DCC: variants seen among roughly 807,000 people sequenced by gnomAD.
DCC encodes DCC netrin 1 receptor.
Under a neutral mutation model 172.5 loss-of-function variants are expected in DCC, and 58 were observed. The observed-to-expected ratio is 0.34, with a 90% CI of 0.27 to 0.42. The LOEUF is 0.42. DCC is among the 10% of genes least tolerant of loss of function. The pLI, the probability that DCC is intolerant of heterozygous loss-of-function variation, is 1.00. For missense variants in DCC, 1,740 were observed against 1,791.0 expected, an observed-to-expected ratio of 0.97 and a Z score of 0.51; for synonymous variants, 709 against 644.5, an observed-to-expected ratio of 1.10 and a Z score of -1.52.
At chr18:52,552,345 A>G (rs2032799709) in intron 1 of DCC, among the ~76,000 whole-genome samples, 1 of 152,054 alleles carries the variant, frequency 6.6e-6, no homozygotes, top group South Asian at 2.1e-4. Context: ...TTCCGGTACC[A>G]TTCAAAACCA....
chr18:52,532,084 A>C (rs2032166234), intron 1 of DCC, among the ~76,000 whole-genome samples: 1 of 152,176 alleles, frequency 6.6e-6, no homozygotes, highest in Admixed American at 6.5e-5. Flanking sequence ...CCATCATCAA[A>C]TCTACAGGTA....
At chr18:52,500,787 G>A (rs1010509475) in intron 1 of DCC, among the ~76,000 whole-genome samples, 7 of 152,124 alleles carry the variant, frequency 4.6e-5, no homozygotes, top group African/African-American at 7.2e-5. Flanking sequence ...TGCAAGGAGA[G>A]AGGATAACAA....
chr18:53,378,826 C>G (rs929350485), intron 15 of DCC, among the ~76,000 whole-genome samples: 1 of 152,048 alleles, frequency 6.6e-6, no homozygotes, highest in Non-Finnish European at 1.5e-5. Context: ...ATCTGCAAGA[C>G]TGATAAATGA....
chr18:52,531,877 C>A (rs762295726), intron 1 of DCC, among the ~76,000 whole-genome samples: 1 of 152,096 alleles, frequency 6.6e-6, no homozygotes, highest in Admixed American at 6.6e-5. Flanking sequence ...TACGTTCAAG[C>A]ATATTCTTGA....
intron 1 of DCC, among the ~76,000 whole-genome samples, chr18:52,612,637 C>G (rs1020450199): frequency 6.6e-6 from 1 of 152,164 alleles, no homozygotes; most frequent in African/African-American, 2.4e-5. Flanking sequence ...GCTCTCTGGA[C>G]TCTAGACATA....
chr18:52,367,215 C>T (rs1323805582), intron 1 of DCC, among the ~76,000 whole-genome samples: 2 of 152,210 alleles, frequency 1.3e-5, no homozygotes, highest in South Asian at 2.1e-4. Flanking sequence ...GCCCGCCAAG[C>T]CCACGCCCAC....
At chr18:53,219,739 CT>C (rs1169815223) in intron 12 of DCC, among the ~76,000 whole-genome samples, 1 of 152,124 alleles carries the variant, frequency 6.6e-6, no homozygotes, top group Non-Finnish European at 1.5e-5. Context: ...CTCACTCTCC[CT>C]TGTTTCAGCA....
intron 2 of DCC, among the ~76,000 whole-genome samples, chr18:52,758,541 C>G (rs2037111133): frequency 6.6e-6 from 1 of 152,010 alleles, no homozygotes; most frequent in Non-Finnish European, 1.5e-5. Flanking sequence ...TCAGTGAATT[C>G]TCTTCTAGAA....
At chr18:53,015,134 C>T (rs1160665589) in intron 5 of DCC, among the ~76,000 whole-genome samples, 4 of 152,080 alleles carry the variant, frequency 2.6e-5, no homozygotes, top group Non-Finnish European at 4.4e-5. Context: ...TTTTGCCTCT[C>T]GAAAATTCTT....
intron 27 of DCC, among the ~76,000 whole-genome samples, chr18:53,514,554 T>A (rs1480731024): frequency 2.6e-5 from 4 of 151,932 alleles, no homozygotes; most frequent in Middle Eastern, 3.4e-3. Flanking sequence ...ACCACTAGCA[T>A]GACTAATAAA....
intron 1 of DCC, among the ~76,000 whole-genome samples, chr18:52,635,424 T>G (rs2034756348): frequency 6.6e-6 from 1 of 152,186 alleles, no homozygotes; most frequent in African/African-American, 2.4e-5. Context: ...CATATTTGAA[T>G]AGTCAGGAAA....
intron 9 of DCC, among the ~76,000 whole-genome samples, chr18:53,185,857 A>T (rs2055273523): frequency 6.6e-6 from 1 of 152,250 alleles, no homozygotes; most frequent in African/African-American, 2.4e-5. Context: ...CAAAAAAGTT[A>T]ATTATGTGCT....
intron 2 of DCC, among the ~76,000 whole-genome samples, chr18:52,838,084 A>G (rs1240360003): frequency 1.3e-5 from 2 of 152,308 alleles, no homozygotes; most frequent in Non-Finnish European, 2.9e-5. Flanking sequence ...GGCTCCTCAC[A>G]TGACACATGG....
chr18:52,513,364 T>G (rs2031509118), intron 1 of DCC, among the ~76,000 whole-genome samples: 1 of 152,126 alleles, frequency 6.6e-6, no homozygotes, highest in Admixed American at 6.6e-5. Flanking sequence ...TAACCTAATC[T>G]CTCTGATTCT....
Position 53,470,224 on chromosome 18 carries a change from G to T in DCC, c.3736+2214G>T, listed in dbSNP as rs139850115. On this transcript the variant is annotated intron_variant, in intron 25 of 28. Coordinates refer to ENST00000442544, the MANE Select transcript of DCC (RefSeq NM_005215.4). Reference sequence around the variant, plus strand: ...GAATCCTGGAGGACATTATCCTGAGGCAGGATCTCTAGGGCAAGGGCAAAA... The same window carrying T: ...GAATCCTGGAGGACATTATCCTGAGTCAGGATCTCTAGGGCAAGGGCAAAA... Among the ~76,000 whole-genome samples the T allele has an allele frequency of 1.7e-3, 253 of 151,976 alleles. 1 individual carries two copies. The highest frequency in any genetic ancestry group is 8.7e-3 in the South Asian group (42 of 4,818).
chr18:52,661,689 C>A (rs2035363422), intron 1 of DCC, among the ~76,000 whole-genome samples: 1 of 152,190 alleles, frequency 6.6e-6, no homozygotes, highest in Non-Finnish European at 1.5e-5. Flanking sequence ...TTTTTCTTCA[C>A]TTTCAAATAG....
At chr18:52,649,430 CT>C (rs142775696) in intron 1 of DCC, among the ~76,000 whole-genome samples, 58,073 of 148,626 alleles carry the variant, frequency 0.39, 11,744 homozygotes, top group East Asian at 0.68. Context: ...GAGATTATAT[CT>C]TTTTTTTTAT....
At chr18:53,029,853 C>T (rs917354633) in intron 5 of DCC, among the ~76,000 whole-genome samples, 3 of 152,062 alleles carry the variant, frequency 2.0e-5, no homozygotes, top group Admixed American at 2.0e-4. Context: ...TCTAAGCTTG[C>T]CTGGTCTCTT....
At chr18:53,397,535 C>A (rs1909030962) in intron 18 of DCC, 89 bp downstream of exon 18, 1 of 1,349,922 alleles carries the variant, frequency 7.4e-7, no homozygotes, top group Non-Finnish European at 1.1e-6. Flanking sequence ...TATGGTGTCT[C>A]AATTATACCT....
Sources: allele counts gnomAD v4.1 joint callset (sites outside exome capture counted in the v4.1 genomes callset), GRCh38; gene constraint gnomAD v4.1.1; transcripts MANE v1.5; gene names NCBI Gene and HGNC (gene_info 2026-07-23, HGNC 2026-07-21).